Variants in MAP3K20 observed in about 807,000 individuals in gnomAD.
The protein encoded by MAP3K20 is mitogen-activated protein kinase kinase kinase 20, also known as HCCS-4.
In MAP3K20, 40 loss-of-function variants were observed where a neutral mutation model predicts 85.7. That is an observed-to-expected ratio of 0.47 (90% CI 0.36 to 0.61). The LOEUF (loss-of-function observed/expected upper bound fraction) is 0.61, where lower values mean the gene tolerates loss of function less well. MAP3K20 is among the 20% of genes least tolerant of loss of function. The pLI is 0.00. For synonymous variants in MAP3K20, 325 were observed against 327.7 expected, an observed-to-expected ratio of 0.99 and a Z score of 0.09; for missense variants, 817 against 961.7, an observed-to-expected ratio of 0.85 and a Z score of 1.99.
chr2:173,096,075 A>G (rs563406019), intron 2 of MAP3K20, among the ~76,000 whole-genome samples: 1 of 152,300 alleles, frequency 6.6e-6, no homozygotes, highest in East Asian at 1.9e-4. Context: ...GTATGCAGCT[A>G]TCTACCCTTC....
chr2:173,126,128 G>C (rs1204085501), intron 2 of MAP3K20, among the ~76,000 whole-genome samples: 2 of 152,074 alleles, frequency 1.3e-5, no homozygotes, highest in Non-Finnish European at 2.9e-5. Context: ...TTAATCCAAA[G>C]GATGAGGCAT....
intron 11 of MAP3K20, chr2:173,224,337 G>T (rs556989786): frequency 1.0e-6 from 1 of 985,256 alleles, no homozygotes; most frequent in African/African-American, 1.7e-5. Context: ...TCAGCAATAC[G>T]TTTAGAACAT....
intron 2 of MAP3K20, among the ~76,000 whole-genome samples, chr2:173,168,104 T>C (rs375307272): frequency 1.1e-5 from 1 of 90,322 alleles, no homozygotes; most frequent in East Asian, 2.8e-4. Flanking sequence ...AAACTTTATT[T>C]CTAATAATAA....
chr2:173,191,803 G>C (rs752269270), intron 7 of MAP3K20, among the ~76,000 whole-genome samples: 5 of 152,148 alleles, frequency 3.3e-5, no homozygotes, highest in Non-Finnish European at 5.9e-5. Flanking sequence ...GACTAATGAG[G>C]GGGTGGAGTG....
chr2:173,090,797 C>T (rs907856661), intron 1 of MAP3K20: 1 of 1,204,840 alleles, frequency 8.3e-7, no homozygotes, highest in Non-Finnish European at 1.0e-6. Flanking sequence ...AAAGTCTGGG[C>T]AGGTTGTTGT....
At chr2:173,219,749 A>G (rs1477973039) in intron 11 of MAP3K20, among the ~76,000 whole-genome samples, 2 of 152,140 alleles carry the variant, frequency 1.3e-5, no homozygotes, top group Admixed American at 1.3e-4. Flanking sequence ...CTTTTCAAAA[A>G]CTCAGCTCCA....
At chr2:173,159,362 C>CTTTCTTTCT (rs1689577096) in intron 2 of MAP3K20, among the ~76,000 whole-genome samples, 1 of 148,740 alleles carries the variant, frequency 6.7e-6, no homozygotes, top group Non-Finnish European at 1.5e-5. Context: ...TCTTTCTTTC[C>CTTTCTTTCT]TTTCCTTCCT....
intron 12 of MAP3K20, among the ~76,000 whole-genome samples, chr2:173,230,813 T>C (rs1314699359): frequency 6.6e-6 from 1 of 152,052 alleles, no homozygotes; most frequent in Non-Finnish European, 1.5e-5. Flanking sequence ...CTGGCCAACA[T>C]GGTGAAACCC....
intron 2 of MAP3K20, among the ~76,000 whole-genome samples, chr2:173,141,211 A>AG (rs145278647): frequency 6.7e-5 from 1 of 14,896 alleles, no homozygotes; most frequent in African/African-American, 1.5e-4. Flanking sequence ...TTTTTATACT[A>AG]AATTCTCGTG....
chr2:173,129,205 C>T (rs111296527), intron 2 of MAP3K20, among the ~76,000 whole-genome samples: 220 of 152,060 alleles, frequency 1.4e-3, no homozygotes, highest in African/African-American at 5.2e-3. Context: ...GGTGAGCCAC[C>T]GCGCCCAGCC....
chr2:173,224,187 T>A (rs1684325974), intron 11 of MAP3K20: 2 of 948,434 alleles, frequency 2.1e-6, no homozygotes, highest in Non-Finnish European at 2.5e-6. Context: ...GTTGAGGTTT[T>A]TAAAGTGTGG....
chr2:173,263,882 C>G lies in MAP3K20; in HGVS notation c.1689C>G (p.Ser563Arg). The G allele has an allele frequency of 6.2e-7, 1 of 1,610,340 alleles. No homozygotes were observed. Among genetic ancestry groups the G allele is most frequent in the African/African-American group, 1.3e-5 (1 of 74,816 alleles). The stretch of plus-strand genomic sequence containing the variant: ...CCAATTCAGATGGCAACCCTGGAAG[C>G]AGGTCCGACTCAAGTAAGTTAGTGT... ...LFTNSDGNPG[S>R]RSDSSADCQW... Residue 563 changes from serine (S) to arginine (R), a missense_variant, in exon 19 of 20, where the codon AGC becomes AGG. Transcript: ENST00000375213.
intron 2 of MAP3K20, among the ~76,000 whole-genome samples, chr2:173,155,046 A>G (rs1190885882): frequency 6.6e-6 from 1 of 152,186 alleles, no homozygotes; most frequent in African/African-American, 2.4e-5. Context: ...TCTTAGGCCT[A>G]GAGGATGGAA....
intron 9 of MAP3K20, 127 bp from the exon 10 acceptor site, chr2:173,209,602 C>A: frequency 1.4e-6 from 1 of 701,570 alleles, no homozygotes; most frequent in Non-Finnish European, 2.3e-6. Flanking sequence ...TACATCAGGA[C>A]ATTGTATCAT....
chr2:173,090,608 C>G, intron 1 of MAP3K20: 1 of 991,038 alleles, frequency 1.0e-6, no homozygotes, highest in Non-Finnish European at 1.2e-6. Context: ...GCCTCAGATG[C>G]CAGGGGAGCT....
upstream of MAP3K20, chr2:173,075,687 C>G: frequency 8.3e-6 from 8 of 968,096 alleles, no homozygotes; most frequent in Non-Finnish European, 8.5e-6. Flanking sequence ...CTGGGGGCCT[C>G]GGCGGGTGCC....
intron 10 of MAP3K20, chr2:173,211,887 C>T (rs536592419): frequency 7.1e-4 from 108 of 152,266 alleles, no homozygotes; most frequent in African/African-American, 2.5e-3. Context: ...GCACTCCAGC[C>T]TGGGCGACAC....
intron 1 of MAP3K20, chr2:173,090,761 C>G (rs1037940501): frequency 3.6e-6 from 4 of 1,109,324 alleles, no homozygotes; most frequent in Non-Finnish European, 4.4e-6. Context: ...ATATCTGAGC[C>G]ATTTCTCTGT....
At chr2:173,207,353 G>A (rs4972534) in intron 9 of MAP3K20, among the ~76,000 whole-genome samples, 75,637 of 151,938 alleles carry the variant, frequency 0.5, 21,229 homozygotes, top group African/African-American at 0.76. Flanking sequence ...TTAGCTGGGC[G>A]TGGTGGCGCG....
Sources: gnomAD v4.1 joint callset for allele counts (sites outside exome capture counted in the v4.1 genomes callset) on GRCh38, gnomAD v4.1.1 for gene constraint, MANE v1.5 for transcripts, NCBI Gene and HGNC (gene_info 2026-07-23, HGNC 2026-07-21) for gene names.